The following NTRK2 variants were observed in gnomAD, a reference collection of about 807,000 sequenced individuals.
NTRK2 encodes neurotrophic receptor tyrosine kinase 2, also known as BDNF/NT-3 growth factors receptor.
NTRK2 carries 13 observed loss-of-function variants against 94.5 expected under a neutral mutation model. The observed-to-expected ratio is 0.14, with a 90% CI of 0.09 to 0.22. NTRK2 has a LOEUF of 0.22. Among genes scored for constraint, NTRK2 ranks in the 10% least tolerant of loss-of-function variants. The pLI is 1.00. For missense variants in NTRK2, 639 were observed against 1,071.2 expected (o/e 0.60, Z 5.63); for synonymous variants, 372 against 407.4 (o/e 0.91, Z 1.05).
chr9:84,738,252 T>C (rs1195405617), intron 9 of NTRK2, among the ~76,000 whole-genome samples: 1 of 151,640 alleles, frequency 6.6e-6, no homozygotes, highest in Non-Finnish European at 1.5e-5. Context: ...AACCCCACTT[T>C]CAGGGGCATG....
At chr9:84,940,523 A>G (rs1222986276) in intron 15 of NTRK2, among the ~76,000 whole-genome samples, 1 of 152,158 alleles carries the variant, frequency 6.6e-6, no homozygotes, top group African/African-American at 2.4e-5. Context: ...GGAAAATACT[A>G]TGGTCCAGTT....
chr9:84,782,285 A>G (rs150086329), intron 12 of NTRK2, among the ~76,000 whole-genome samples: 45 of 152,342 alleles, frequency 3.0e-4, no homozygotes, highest in African/African-American at 7.2e-4. Flanking sequence ...ATCTGAACAT[A>G]CTTGAAATCT....
At chr9:84,945,336 G>T (rs895016953) in intron 15 of NTRK2, among the ~76,000 whole-genome samples, 7 of 152,156 alleles carry the variant, frequency 4.6e-5, no homozygotes, top group African/African-American at 1.7e-4. Context: ...GGTGATAAAA[G>T]GGTGAACAGG....
At chr9:84,909,407 A>T (rs1174530597) in intron 14 of NTRK2, among the ~76,000 whole-genome samples, 2 of 151,950 alleles carry the variant, frequency 1.3e-5, no homozygotes, top group Non-Finnish European at 2.9e-5. Flanking sequence ...TGTGAACATA[A>T]GTTTTCAATC....
intron 12 of NTRK2, among the ~76,000 whole-genome samples, chr9:84,818,958 C>G (rs779212849): frequency 6.6e-6 from 1 of 152,176 alleles, no homozygotes; most frequent in African/African-American, 2.4e-5. Flanking sequence ...TCGAATGTCC[C>G]GTCTGGCAGC....
At chr9:84,905,268 T>G (rs1441389813) in intron 14 of NTRK2, among the ~76,000 whole-genome samples, 1 of 110,340 alleles carries the variant, frequency 9.1e-6, no homozygotes, top group African/African-American at 3.4e-5. Context: ...ATGGTGGGGT[T>G]TTAGAGGGTG....
chr9:84,698,074 T>G (rs1351565870), intron 2 of NTRK2, among the ~76,000 whole-genome samples: 1 of 152,220 alleles, frequency 6.6e-6, no homozygotes, highest in African/African-American at 2.4e-5. Context: ...AGCTATTTTT[T>G]CTTTTAATAA....
chr9:84,816,639 C>T (rs1231252081), intron 12 of NTRK2, among the ~76,000 whole-genome samples: 2 of 151,674 alleles, frequency 1.3e-5, no homozygotes, highest in Admixed American at 6.6e-5. Flanking sequence ...ATTAGCTGGG[C>T]GTGGTGGCGG....
Position 84,826,497 on chromosome 9 carries a change from G to A in NTRK2, c.1397-34543G>A, listed in dbSNP as rs115111432. Among the ~76,000 whole-genome samples, 590 of 152,272 alleles carry A rather than the reference G, an allele frequency of 3.9e-3. 5 individuals carry two copies. The highest frequency in any genetic ancestry group is 0.013 in the African/African-American group (558 of 41,546). ...TCACAGGTTTCAGGGCTCAGGATTG[G>A]ACATATCTTTTTTTACAGGCCACCA... On this transcript the variant is annotated intron_variant, in intron 12 of 18. Coordinates refer to ENST00000277120, the MANE Select transcript of NTRK2 (RefSeq NM_006180.6).
intron 17 of NTRK2, among the ~76,000 whole-genome samples, chr9:84,960,650 A>G (rs970182848): frequency 6.6e-6 from 1 of 152,224 alleles, no homozygotes; most frequent in African/African-American, 2.4e-5. Flanking sequence ...GAGGAGCAGC[A>G]TAAGAGGAGG....
intron 12 of NTRK2, among the ~76,000 whole-genome samples, chr9:84,753,033 G>T (rs2064775605): frequency 6.6e-6 from 1 of 152,174 alleles, no homozygotes; most frequent in Non-Finnish European, 1.5e-5. Flanking sequence ...GTAGCAATAA[G>T]TTGCCCAGCA....
rs1441769258 is a variant in NTRK2 at position 84,916,952 on chromosome 9, T to C, written c.1634-17210T>C. 2.6e-5 allele frequency among the ~76,000 whole-genome samples: 4 copies of C among 152,320 alleles called. No individual in the cohort carries two copies. The East Asian group carries it at 7.7e-4, about 29-fold the overall frequency. On this transcript the variant is annotated intron_variant, in intron 14 of 18. Transcript: ENST00000277120. Reference sequence around the variant, plus strand: ...CATAAAATTAATTGTTGCTAATTAGTTAGGGCTGCCAGCTCGCTTGCATGT... The same window carrying C: ...CATAAAATTAATTGTTGCTAATTAGCTAGGGCTGCCAGCTCGCTTGCATGT...
chr9:84,780,309 TG>T (rs2067445507), intron 12 of NTRK2, among the ~76,000 whole-genome samples: 1 of 152,166 alleles, frequency 6.6e-6, no homozygotes, highest in South Asian at 2.1e-4. Context: ...GCAGCAGAGT[TG>T]AGTAGCTGTG....
At chr9:84,870,090 C>T (rs1370783361) in intron 14 of NTRK2, among the ~76,000 whole-genome samples, 2 of 113,034 alleles carry the variant, frequency 1.8e-5, no homozygotes, top group Non-Finnish European at 3.4e-5. Flanking sequence ...TAGATAATTC[C>T]CATTGACTAT....
chr9:84,709,420 G>C (rs1004975769), intron 5 of NTRK2, among the ~76,000 whole-genome samples: 1 of 152,124 alleles, frequency 6.6e-6, no homozygotes, highest in African/African-American at 2.4e-5. Flanking sequence ...TTAAACTGGT[G>C]GTGGGTCTTT....
intron 14 of NTRK2, among the ~76,000 whole-genome samples, chr9:84,869,464 A>T (rs2075743873): frequency 6.6e-6 from 1 of 152,186 alleles, no homozygotes; most frequent in African/African-American, 2.4e-5. Context: ...TAAAATAACA[A>T]ATCTTCCATG....
chr9:84,867,485 C>T (rs1265040810), intron 14 of NTRK2, 54 bp downstream of exon 14: 1 of 1,468,256 alleles, frequency 6.8e-7, no homozygotes, highest in Non-Finnish European at 9.5e-7. Context: ...CTGTATCAAC[C>T]AGAGTGTTTA....
chr9:84,705,523 G>A (rs1029341128), intron 4 of NTRK2, among the ~76,000 whole-genome samples: 1 of 152,144 alleles, frequency 6.6e-6, no homozygotes, highest in African/African-American at 2.4e-5. Context: ...TTGCGGTGCT[G>A]CTGGCAGCCC....
chr9:84,990,710 C>T lies in NTRK2; in HGVS notation c.2173-29496C>T, dbSNP rs927219121. Among the ~76,000 whole-genome samples the T allele has an allele frequency of 3.3e-5, 5 of 152,242 alleles. No homozygotes were observed. In the South Asian group the frequency reaches 8.3e-4, roughly 25 times the overall value. ...CTAAACACCCCTTTGACATTACGTGCGCCAGCTCCTGAACACTGGGGTGTT... is the reference window on the plus strand; with the variant it reads ...CTAAACACCCCTTTGACATTACGTGTGCCAGCTCCTGAACACTGGGGTGTT... On this transcript the variant is annotated intron_variant, in intron 17 of 18. Transcript: ENST00000277120.
Sources: gnomAD v4.1 joint callset for allele counts (sites outside exome capture counted in the v4.1 genomes callset) on GRCh38, gnomAD v4.1.1 for gene constraint, MANE v1.5 for transcripts, NCBI Gene and HGNC (gene_info 2026-07-23, HGNC 2026-07-21) for gene names.